The following MYO16 variants were observed in gnomAD, a reference collection of about 807,000 sequenced individuals.
MYO16 encodes the protein myosin XVI, also known as unconventional myosin-XVI.
In MYO16, 94 loss-of-function variants were observed where a neutral mutation model predicts 205.3. The ratio of observed to expected loss-of-function variants is 0.46; its 90% CI spans 0.39 to 0.54. The LOEUF (loss-of-function observed/expected upper bound fraction) is 0.54, where lower values mean the gene tolerates loss of function less well. Ranked by LOEUF, MYO16 falls within the 20% of genes least tolerant of loss-of-function variation. The pLI, the probability that MYO16 is intolerant of heterozygous loss-of-function variation, is 0.00. For synonymous variants in MYO16, 988 were observed against 954.0 expected, an observed-to-expected ratio of 1.04 and a Z score of -0.66; for missense variants, 2,315 against 2,387.5, an observed-to-expected ratio of 0.97 and a Z score of 0.63.
At chr13:108,583,154 T>C in the MYO16 span, among the ~76,000 whole-genome samples, 1 of 152,216 alleles carries the variant, frequency 6.6e-6, no homozygotes, top group Admixed American at 6.5e-5. Context: ...GCAAGAATGA[T>C]TAGCTTGTTT....
At chr13:108,506,206 T>G in the MYO16 span, among the ~76,000 whole-genome samples, 4 of 152,174 alleles carry the variant, frequency 2.6e-5, no homozygotes, top group Admixed American at 2.6e-4. Context: ...AAAATGCCTT[T>G]GGAATTCTAA....
At chr13:108,592,429 G>A (rs111205914), upstream of MYO16, among the ~76,000 whole-genome samples, 32,788 of 98,354 alleles carry the variant, frequency 0.33, 6,971 homozygotes, top group Non-Finnish European at 0.43. Flanking sequence ...GTGTGTGGAG[G>A]GGGGTATGTT....
chr13:108,538,837 A>C, the MYO16 span, among the ~76,000 whole-genome samples: 1 of 152,130 alleles, frequency 6.6e-6, no homozygotes, highest in African/African-American at 2.4e-5. Context: ...TAGTTTTTGT[A>C]CCATGCCAGT....
intron 2 of MYO16, among the ~76,000 whole-genome samples, chr13:108,687,767 AC>A (rs1882736054): frequency 6.6e-6 from 1 of 152,218 alleles, no homozygotes; most frequent in South Asian, 2.1e-4. Flanking sequence ...TATTAGTGCT[AC>A]CCTTTCCCAA....
chr13:108,695,037 G>A (rs929715765), intron 2 of MYO16, among the ~76,000 whole-genome samples: 6 of 152,160 alleles, frequency 3.9e-5, no homozygotes, highest in African/African-American at 7.2e-5. Flanking sequence ...TCTTGAACCC[G>A]GGAGGCAGAG....
the MYO16 span, among the ~76,000 whole-genome samples, chr13:108,529,508 A>T: frequency 3.9e-5 from 6 of 152,136 alleles, no homozygotes; most frequent in Admixed American, 1.3e-4. Context: ...GGCAAGCTTC[A>T]CTAGAGCTAC....
intron 1 of MYO16, among the ~76,000 whole-genome samples, chr13:108,636,499 C>T (rs1461632532): frequency 6.6e-6 from 1 of 151,270 alleles, no homozygotes. Context: ...CCTGCCTCAG[C>T]CTCCCAAGTA....
intron 21 of MYO16, among the ~76,000 whole-genome samples, chr13:108,993,233 A>C (rs1884895808): frequency 6.6e-6 from 1 of 152,094 alleles, no homozygotes; most frequent in African/African-American, 2.4e-5. Context: ...AATTAAATAG[A>C]ATGTGTTTGA....
chr13:108,665,103 C>T (rs1881666754), intron 1 of MYO16, among the ~76,000 whole-genome samples: 1 of 152,010 alleles, frequency 6.6e-6, no homozygotes, highest in Non-Finnish European at 1.5e-5. Flanking sequence ...CACATATATT[C>T]TCCTGTTTTC....
intron 1 of MYO16, among the ~76,000 whole-genome samples, chr13:108,600,275 G>A (rs1878715273): frequency 6.6e-6 from 1 of 152,144 alleles, no homozygotes; most frequent in Admixed American, 6.6e-5. Context: ...GATATTTGCT[G>A]ATCATTGGCA....
chr13:109,007,395 A>G (rs1193990702), intron 21 of MYO16, among the ~76,000 whole-genome samples: 2 of 152,074 alleles, frequency 1.3e-5, no homozygotes, highest in Non-Finnish European at 2.9e-5. Context: ...CTCAAAAAAA[A>G]AGAAAAAAAA....
chr13:108,780,853 C>T (rs1161651185), intron 4 of MYO16, among the ~76,000 whole-genome samples: 1 of 151,984 alleles, frequency 6.6e-6, no homozygotes, highest in South Asian at 2.1e-4. Context: ...GTAATAAGGC[C>T]GGCTTCTATA....
intron 12 of MYO16, among the ~76,000 whole-genome samples, chr13:108,877,728 T>C (rs188391647): frequency 6.6e-6 from 1 of 152,374 alleles, no homozygotes. Context: ...GAATATGTTT[T>C]AAATTGCTGC....
chr13:108,823,079 A>G (rs758829071), intron 8 of MYO16, 46 bp from the exon 9 acceptor site: 15 of 1,525,864 alleles, frequency 9.8e-6, no homozygotes, highest in Non-Finnish European at 1.3e-5. Flanking sequence ...TTTATGTGCT[A>G]TCACCACCCA....
intron 9 of MYO16, among the ~76,000 whole-genome samples, chr13:108,824,308 T>C (rs936262116): frequency 1.3e-5 from 2 of 152,048 alleles, no homozygotes; most frequent in South Asian, 2.1e-4. Flanking sequence ...CATGGAAAAC[T>C]TTATGAAGTG....
chr13:109,019,080 C>T (rs1360958425), intron 22 of MYO16, among the ~76,000 whole-genome samples: 1 of 151,594 alleles, frequency 6.6e-6, no homozygotes, highest in Non-Finnish European at 1.5e-5. Flanking sequence ...GTGATCCTCT[C>T]ACCTCAGCGT....
chr13:109,008,610 A>T lies in MYO16; in HGVS notation c.2443-287A>T, dbSNP rs1291207158. On this transcript the variant is annotated intron_variant, in intron 21 of 34. Coordinates refer to ENST00000457511, the MANE Select transcript of MYO16 (RefSeq NM_001198950.3). ...CACTACTGTACTATCTTGTGTATGC[A>T]CTACTGTACTATCTATCTTGTGTAT... is the stretch of plus-strand genomic sequence containing the variant. Among the ~76,000 whole-genome samples, 2 of 117,218 alleles carry T rather than the reference A, an allele frequency of 1.7e-5. 1 individual carries two copies. The highest frequency in any genetic ancestry group is 3.6e-5 in the Non-Finnish European group (2 of 54,850). The allele number at this position is 117,218 out of a possible 152,430, so 76.9% of individuals were successfully genotyped here.
chr13:108,592,694 G>T (rs1878435889), upstream of MYO16, among the ~76,000 whole-genome samples: 1 of 145,890 alleles, frequency 6.9e-6, no homozygotes, highest in Non-Finnish European at 1.5e-5. Flanking sequence ...GCTGTGTGGG[G>T]TTTGTGGGGT....
At chr13:108,785,944 A>G (rs1886445546) in intron 5 of MYO16, among the ~76,000 whole-genome samples, 1 of 152,216 alleles carries the variant, frequency 6.6e-6, no homozygotes. Context: ...TTTTTTTGCA[A>G]GCCAGCAGAA....
Sources: allele counts gnomAD v4.1 joint callset (sites outside exome capture counted in the v4.1 genomes callset), GRCh38; gene constraint gnomAD v4.1.1; transcripts MANE v1.5; gene names NCBI Gene and HGNC (gene_info 2026-07-23, HGNC 2026-07-21).